LRFN2: variants seen among roughly 807,000 people sequenced by gnomAD.
LRFN2 encodes the protein leucine-rich repeat and fibronectin type-III domain-containing protein 2.
LRFN2 carries 18 observed loss-of-function variants against 37.3 expected under a neutral mutation model. That is an observed-to-expected ratio of 0.48 (90% CI 0.33 to 0.72). The LOEUF is 0.72. LRFN2 is among the 30% of genes least tolerant of loss of function. LRFN2 has a pLI of 0.02. For synonymous variants in LRFN2, 556 were observed against 466.6 expected (o/e 1.19, Z -2.47); for missense variants, 1,006 against 1,060.7 (o/e 0.95, Z 0.72).
chr6:40,393,601 C>T lies in LRFN2; in HGVS notation c.1401-689G>A, dbSNP rs182277461. Among the ~76,000 whole-genome samples the T allele has an allele frequency of 7.9e-5, 12 of 152,120 alleles. No homozygotes were observed. The East Asian group carries it at 1.6e-3, about 20-fold the overall frequency. On this transcript the variant is annotated intron_variant, in intron 2 of 2. Coordinates refer to ENST00000338305, the MANE Select transcript of LRFN2 (RefSeq NM_020737.3). ...AGCAGAAATTATACAAAGGGACACC[C>T]GCTACTTCCCTCCTTCATGCCTGCT...
At chr6:40,431,309 A>C (rs1763474011) in intron 2 of LRFN2, among the ~76,000 whole-genome samples, 6 of 152,232 alleles carry the variant, frequency 3.9e-5, no homozygotes, top group Admixed American at 3.9e-4. Flanking sequence ...CCATGACTGC[A>C]TATGAGTCCA....
At chr6:40,435,042 TATATATATATAGAGAGAGAGAGAGAG>T (rs1320921423) in intron 1 of LRFN2, among the ~76,000 whole-genome samples, 4 of 91,998 alleles carry the variant, frequency 4.3e-5, no homozygotes, top group African/African-American at 2.0e-4. Flanking sequence ...TATATATATA[TATATATATATAGAGAGAGAGAGAGAG>T]AGAGAGAGAG....
chr6:40,495,556 T>C (rs944243621), intron 1 of LRFN2, among the ~76,000 whole-genome samples: 1 of 152,182 alleles, frequency 6.6e-6, no homozygotes, highest in African/African-American at 2.4e-5. Context: ...TCAGTCCTCA[T>C]CTTGTCCACT....
At chr6:40,488,204 T>G (rs1457116679) in intron 1 of LRFN2, among the ~76,000 whole-genome samples, 1 of 152,130 alleles carries the variant, frequency 6.6e-6, no homozygotes, top group Non-Finnish European at 1.5e-5. Context: ...GGAGAGCACC[T>G]GTCAGGAGGA....
intron 1 of LRFN2, 138 bp from the exon 2 acceptor site, chr6:40,433,269 T>C: frequency 1.7e-6 from 1 of 584,602 alleles, no homozygotes; most frequent in East Asian, 3.0e-5. Context: ...ACCTAATCTC[T>C]TCCATGAATC....
chr6:40,533,601 C>T (rs1766392726), intron 1 of LRFN2, among the ~76,000 whole-genome samples: 3 of 152,172 alleles, frequency 2.0e-5, no homozygotes, highest in African/African-American at 7.2e-5. Flanking sequence ...GGTCAGCTCG[C>T]CTGTACCAAA....
intron 1 of LRFN2, among the ~76,000 whole-genome samples, chr6:40,495,762 G>C (rs1765210823): frequency 6.6e-6 from 1 of 152,128 alleles, no homozygotes; most frequent in East Asian, 1.9e-4. Flanking sequence ...GATTGCCTAA[G>C]GCTTGATCCT....
intron 1 of LRFN2, among the ~76,000 whole-genome samples, chr6:40,496,497 C>A (rs969004017): frequency 6.6e-6 from 1 of 152,014 alleles, no homozygotes; most frequent in South Asian, 2.1e-4. Flanking sequence ...AGCTCAGACA[C>A]CCTGGACTCA....
intron 1 of LRFN2, among the ~76,000 whole-genome samples, chr6:40,497,557 C>G (rs769294060): frequency 1.3e-5 from 2 of 152,170 alleles, no homozygotes; most frequent in Non-Finnish European, 2.9e-5. Context: ...TAATAAGTCC[C>G]TTGTACTACA....
intron 1 of LRFN2, among the ~76,000 whole-genome samples, chr6:40,474,276 G>A (rs9296338): frequency 0.041 from 6,181 of 152,198 alleles, 398 homozygotes; most frequent in African/African-American, 0.14. Context: ...ATTCTTTCAG[G>A]AGGCTCTAGA....
intron 1 of LRFN2, among the ~76,000 whole-genome samples, chr6:40,433,736 G>A (rs1269809819): frequency 1.3e-5 from 2 of 152,184 alleles, no homozygotes; most frequent in African/African-American, 4.8e-5. Context: ...CAAGGTCAGT[G>A]GGGAACTGTT....
chr6:40,543,545 C>G (rs539276283), intron 1 of LRFN2, among the ~76,000 whole-genome samples: 4 of 152,226 alleles, frequency 2.6e-5, no homozygotes, highest in Non-Finnish European at 4.4e-5. Flanking sequence ...TGTGGGAAAA[C>G]AAGCCTGTGA....
At chr6:40,406,685 G>GCGTCTT (rs919724548) in intron 2 of LRFN2, among the ~76,000 whole-genome samples, 1 of 152,220 alleles carries the variant, frequency 6.6e-6, no homozygotes, top group East Asian at 1.9e-4. Flanking sequence ...CTGACAGACT[G>GCGTCTT]CGTCTTCCTC....
intron 2 of LRFN2, among the ~76,000 whole-genome samples, chr6:40,414,609 A>C (rs1006757505): frequency 7.2e-5 from 11 of 152,218 alleles, no homozygotes; most frequent in African/African-American, 2.7e-4. Flanking sequence ...GTGATTTATA[A>C]CCCATTTATT....
chr6:40,493,509 G>A (rs774420095), intron 1 of LRFN2, among the ~76,000 whole-genome samples: 1 of 152,124 alleles, frequency 6.6e-6, no homozygotes, highest in African/African-American at 2.4e-5. Context: ...TAACCTACTG[G>A]CCTGGACATG....
chr6:40,501,296 C>T (rs976832561), intron 1 of LRFN2, among the ~76,000 whole-genome samples: 2 of 151,810 alleles, frequency 1.3e-5, no homozygotes, highest in African/African-American at 4.8e-5. Context: ...CCCTTGCCTG[C>T]ACTTTCCAAT....
intron 2 of LRFN2, among the ~76,000 whole-genome samples, chr6:40,425,203 G>C (rs1399838765): frequency 1.3e-5 from 2 of 152,172 alleles, no homozygotes; most frequent in Non-Finnish European, 2.9e-5. Context: ...ACAGGGGCTG[G>C]GGTGGCTGTC....
intron 1 of LRFN2, among the ~76,000 whole-genome samples, chr6:40,487,115 G>T (rs1764978148): frequency 6.6e-6 from 1 of 152,148 alleles, no homozygotes; most frequent in Non-Finnish European, 1.5e-5. Flanking sequence ...TGTGTAAAGT[G>T]GTCTGAAGAC....
intron 1 of LRFN2, among the ~76,000 whole-genome samples, chr6:40,503,297 A>G (rs753257126): frequency 1.3e-5 from 2 of 152,186 alleles, no homozygotes; most frequent in African/African-American, 2.4e-5. Flanking sequence ...GGGAGGCTGT[A>G]GTGAAAGAAC....
Sources: gnomAD v4.1 joint callset for allele counts (sites outside exome capture counted in the v4.1 genomes callset) on GRCh38, gnomAD v4.1.1 for gene constraint, MANE v1.5 for transcripts, NCBI Gene and HGNC (gene_info 2026-07-23, HGNC 2026-07-21) for gene names.